RALGAPA2: variants seen among roughly 807,000 people sequenced by gnomAD.
The protein encoded by RALGAPA2 is ral GTPase-activating protein subunit alpha-2.
A neutral mutation model predicts 230.4 loss-of-function variants in RALGAPA2; 139 were observed. The observed-to-expected ratio is 0.60, with a 90% CI of 0.53 to 0.69. RALGAPA2 has a LOEUF of 0.69. Ranked by LOEUF, RALGAPA2 falls within the 30% of genes least tolerant of loss-of-function variation. RALGAPA2 has a pLI of 0.00. For missense variants in RALGAPA2, 2,163 were observed against 2,276.0 expected (o/e 0.95, Z 1.01); for synonymous variants, 847 against 837.8 (o/e 1.01, Z -0.19).
intron 37 of RALGAPA2, among the ~76,000 whole-genome samples, chr20:20,459,080 T>A (rs905238657): frequency 1.2e-4 from 18 of 151,774 alleles, no homozygotes; most frequent in Non-Finnish European, 2.2e-4. Flanking sequence ...CAAAGTTTTG[T>A]TTCCGGCTAT....
At chr20:20,693,537 G>A (rs540133012) in intron 1 of RALGAPA2, among the ~76,000 whole-genome samples, 1 of 152,252 alleles carries the variant, frequency 6.6e-6, no homozygotes, top group South Asian at 2.1e-4. Context: ...AATGACTACA[G>A]CCTAGGAGCT....
At chr20:20,604,430 G>A (rs951826146) in intron 15 of RALGAPA2, among the ~76,000 whole-genome samples, 2 of 152,198 alleles carry the variant, frequency 1.3e-5, no homozygotes, top group African/African-American at 4.8e-5. Flanking sequence ...GCTCCCATCT[G>A]AAGCATTCAG....
At chr20:20,550,207 T>G (rs1473934464) in intron 23 of RALGAPA2, among the ~76,000 whole-genome samples, 1 of 152,148 alleles carries the variant, frequency 6.6e-6, no homozygotes, top group Non-Finnish European at 1.5e-5. Flanking sequence ...ACTCAGAACT[T>G]AGCTCCCACT....
At chr20:20,613,139 G>A (rs958478631) in intron 13 of RALGAPA2, among the ~76,000 whole-genome samples, 7 of 152,218 alleles carry the variant, frequency 4.6e-5, no homozygotes, top group Non-Finnish European at 8.8e-5. Flanking sequence ...TTTCCTTATA[G>A]TAGAAAGATT....
intron 37 of RALGAPA2, among the ~76,000 whole-genome samples, chr20:20,427,836 C>T (rs1464188285): frequency 1.3e-5 from 2 of 150,984 alleles, no homozygotes; most frequent in African/African-American, 2.4e-5. Context: ...CAACATATAT[C>T]ATCAAGTGCA....
chr20:20,492,526 A>G (rs1238218717), intron 36 of RALGAPA2, among the ~76,000 whole-genome samples: 1 of 152,210 alleles, frequency 6.6e-6, no homozygotes, highest in Non-Finnish European at 1.5e-5. Context: ...CACAGTAAGG[A>G]GCACTAGTTA....
chr20:20,395,616 C>T (rs1008488926), intron 39 of RALGAPA2, among the ~76,000 whole-genome samples: 2 of 152,146 alleles, frequency 1.3e-5, no homozygotes, highest in African/African-American at 4.8e-5. Context: ...CTCGTGTCAC[C>T]TGTTGGGGCT....
intron 37 of RALGAPA2, among the ~76,000 whole-genome samples, chr20:20,469,756 T>C (rs890794557): frequency 6.6e-5 from 10 of 152,274 alleles, no homozygotes; most frequent in African/African-American, 1.9e-4. Flanking sequence ...CGGTTTGATT[T>C]TGGAATCTTT....
intron 4 of RALGAPA2, among the ~76,000 whole-genome samples, chr20:20,646,266 C>T (rs2067212303): frequency 1.3e-5 from 2 of 152,114 alleles, no homozygotes; most frequent in Non-Finnish European, 2.9e-5. Context: ...TATGGTGATC[C>T]GCCCACCTTG....
rs776912235 is a variant in RALGAPA2, at chr20:20,712,486, G to A, written c.-6C>T. 1.9e-6 allele frequency: 3 copies of A among 1,544,972 alleles called. No individual in the cohort carries two copies. The highest frequency in any genetic ancestry group is 2.5e-5 in the East Asian group (1 of 39,806). On this transcript the variant is annotated 5_prime_UTR_variant, in exon 1 of 40. Transcript: ENST00000202677. This position sits in a 1 kb window ranked among gnomAD's most constrained non-coding sequence, Gnocchi z 5.5. ...TGGCTCCTTCGGGAGAACATCCCGC[G>A]GCAGGAAGCCCGGGCCCCGCCGGCG...
chr20:20,638,452 C>T (rs748764812), intron 7 of RALGAPA2, among the ~76,000 whole-genome samples: 2 of 152,136 alleles, frequency 1.3e-5, no homozygotes, highest in African/African-American at 2.4e-5. Flanking sequence ...TCATCTCAAT[C>T]GACAGAAGAG....
At position 20,601,819 on chromosome 20, in the gene RALGAPA2, G is replaced by T; in HGVS notation, c.2066C>A (p.Thr689Asn). The change falls in exon 16 of 40, where the codon ACC (threonine) becomes AAC (asparagine). Residue 689 changes from threonine (T) to asparagine (N), a missense_variant. Physicochemically the swap from Thr to Asn is moderately conservative, Grantham distance 65. Coordinates refer to ENST00000202677, the MANE Select transcript of RALGAPA2 (RefSeq NM_020343.4). ...GAGAGAAAAGGACCTCCCCACGGTG[G>T]TTCCTTTCTGAGGATCTAGAACACA... ...KGCVLDPQKG[T>N]TVGRSFSLSW... 1 of 1,609,530 alleles carries T rather than the reference G, an allele frequency of 6.2e-7. No homozygotes were observed. The highest frequency in any genetic ancestry group is 8.5e-7 in the Non-Finnish European group (1 of 1,178,254).
intron 3 of RALGAPA2, among the ~76,000 whole-genome samples, chr20:20,671,470 C>T (rs2068132940): frequency 6.6e-6 from 1 of 152,184 alleles, no homozygotes; most frequent in African/African-American, 2.4e-5. Context: ...CCCTTATAAA[C>T]TATCTCTTTA....
At chr20:20,537,033 T>A (rs1569469479) in intron 24 of RALGAPA2, among the ~76,000 whole-genome samples, 1 of 152,184 alleles carries the variant, frequency 6.6e-6, no homozygotes, top group Non-Finnish European at 1.5e-5. Flanking sequence ...TCATTCAGAA[T>A]TAGAAAGGCC....
chr20:20,509,611 T>C (rs1176831634), intron 33 of RALGAPA2, among the ~76,000 whole-genome samples: 1 of 152,204 alleles, frequency 6.6e-6, no homozygotes, highest in African/African-American at 2.4e-5. Flanking sequence ...AAACAGTTCA[T>C]GCTTCAACAT....
At chr20:20,456,781 G>A (rs1460513598) in intron 37 of RALGAPA2, among the ~76,000 whole-genome samples, 2 of 152,066 alleles carry the variant, frequency 1.3e-5, no homozygotes, top group African/African-American at 4.8e-5. Flanking sequence ...AACCATAGAA[G>A]AGCCTCCCTC....
intron 1 of RALGAPA2, among the ~76,000 whole-genome samples, chr20:20,711,380 A>G (rs928290576): frequency 6.6e-6 from 1 of 152,236 alleles, no homozygotes; most frequent in Non-Finnish European, 1.5e-5. Flanking sequence ...GAAGAAACAT[A>G]AGGTGTTCTT....
Position 20,639,852 on chromosome 20 carries a change from CCT to C in RALGAPA2, c.597_598del (p.Lys202AspfsTer3), listed in dbSNP as rs750727704. On this transcript the variant is annotated frameshift_variant, in exon 7 of 40. Coordinates refer to ENST00000202677, the MANE Select transcript of RALGAPA2 (RefSeq NM_020343.4). LOFTEE classifies it high-confidence loss of function. ...GGTTTGGTCCTCAGCAATCTTCTCCCCTGATATGGCTGGTAGGAGTGGAGTGA... is the reference window on the plus strand; with the variant it reads ...GGTTTGGTCCTCAGCAATCTTCTCCCGATATGGCTGGTAGGAGTGGAGTGA... 14 of 1,613,710 alleles carry C rather than the reference CCT, an allele frequency of 8.7e-6. No homozygotes were observed. Among genetic ancestry groups the C allele is most frequent in the Non-Finnish European group, 1.2e-5 (14 of 1,179,678 alleles).
At chr20:20,688,893 C>T (rs1469699962) in intron 1 of RALGAPA2, among the ~76,000 whole-genome samples, 2 of 152,246 alleles carry the variant, frequency 1.3e-5, no homozygotes, top group East Asian at 3.9e-4. Context: ...AATCAGGAGT[C>T]AGGACTACTA....
Sources: gnomAD v4.1 joint callset for allele counts (sites outside exome capture counted in the v4.1 genomes callset) on GRCh38, gnomAD v4.1.1 for gene constraint, Gnocchi (gnomAD v3.1) non-coding constraint, MANE v1.5 for transcripts, NCBI Gene and HGNC (gene_info 2026-07-23, HGNC 2026-07-21) for gene names.